Variants in NSMCE2 observed in about 807,000 individuals in gnomAD.
NSMCE2 encodes the protein NSE2 SUMO ligase component of SMC5/6 complex, also known as E3 SUMO-protein ligase NSE2.
NSMCE2 carries 24 observed loss-of-function variants against 23.8 expected under a neutral mutation model. That is an observed-to-expected ratio of 1.01 (90% CI 0.73 to 1.42). The LOEUF (loss-of-function observed/expected upper bound fraction) is 1.42. NSMCE2 is among the 40% of genes most tolerant of loss of function. NSMCE2 has a pLI of 0.00. For missense variants in NSMCE2, 284 were observed against 296.5 expected (o/e 0.96, Z 0.31); for synonymous variants, 92 against 94.1 (o/e 0.98, Z 0.13).
chr8:125,144,662 A>G (rs1820573906), intron 3 of NSMCE2, among the ~76,000 whole-genome samples: 1 of 152,092 alleles, frequency 6.6e-6, no homozygotes, highest in African/African-American at 2.4e-5. Context: ...TTCCTTTCTT[A>G]GACGATCCTT....
At chr8:125,326,119 C>T (rs1484500786) in intron 5 of NSMCE2, among the ~76,000 whole-genome samples, 2 of 150,832 alleles carry the variant, frequency 1.3e-5, no homozygotes, top group African/African-American at 2.4e-5. Context: ...TAGCTGGGTG[C>T]GGTGGCAGGC....
intron 5 of NSMCE2, among the ~76,000 whole-genome samples, chr8:125,200,428 T>G (rs1823816730): frequency 6.6e-6 from 1 of 152,190 alleles, no homozygotes; most frequent in African/African-American, 2.4e-5. Context: ...CTCCTTCACT[T>G]ATGAAGCTTA....
intron 5 of NSMCE2, among the ~76,000 whole-genome samples, chr8:125,264,517 A>G (rs575156819): frequency 6.6e-6 from 1 of 152,134 alleles, no homozygotes; most frequent in African/African-American, 2.4e-5. Context: ...AACAATTCTC[A>G]TTCCTCGGCC....
intron 3 of NSMCE2, among the ~76,000 whole-genome samples, chr8:125,113,067 G>A (rs1279479980): frequency 7.5e-6 from 1 of 134,036 alleles, no homozygotes; most frequent in Non-Finnish European, 1.6e-5. Flanking sequence ...TGGGGGGGGG[G>A]GTGAGTCAAT....
At chr8:125,184,162 T>A (rs567445298) in intron 5 of NSMCE2, among the ~76,000 whole-genome samples, 1 of 152,324 alleles carries the variant, frequency 6.6e-6, no homozygotes, top group Admixed American at 6.5e-5. Context: ...TAAGTAATTT[T>A]ATAATACAGG....
chr8:125,127,887 T>C (rs139254081), intron 3 of NSMCE2, among the ~76,000 whole-genome samples: 211 of 152,328 alleles, frequency 1.4e-3, no homozygotes, highest in African/African-American at 4.8e-3. Flanking sequence ...GAAGGTAATT[T>C]TATACAACAT....
intron 5 of NSMCE2, among the ~76,000 whole-genome samples, chr8:125,260,062 C>A (rs868551874): frequency 6.6e-6 from 1 of 152,290 alleles, no homozygotes; most frequent in African/African-American, 2.4e-5. Context: ...ATTTAAAAAT[C>A]TTTTAATGTT....
At chr8:125,236,058 A>G (rs946943480) in intron 5 of NSMCE2, among the ~76,000 whole-genome samples, 1 of 152,246 alleles carries the variant, frequency 6.6e-6, no homozygotes, top group African/African-American at 2.4e-5. Context: ...TGTATAAGAA[A>G]ACATCCTCAG....
intron 5 of NSMCE2, among the ~76,000 whole-genome samples, chr8:125,245,101 G>A (rs1825905602): frequency 6.6e-6 from 1 of 152,068 alleles, no homozygotes; most frequent in African/African-American, 2.4e-5. Flanking sequence ...GACCAACATG[G>A]TAAAACCCTA....
chr8:125,252,148 C>T (rs758997940), intron 5 of NSMCE2, among the ~76,000 whole-genome samples: 2 of 152,060 alleles, frequency 1.3e-5, no homozygotes, highest in South Asian at 2.1e-4. Flanking sequence ...TCTGGGAACA[C>T]GAACTTTTAA....
chr8:125,235,135 G>A (rs1825489009), intron 5 of NSMCE2, among the ~76,000 whole-genome samples: 2 of 152,142 alleles, frequency 1.3e-5, no homozygotes, highest in South Asian at 2.1e-4. Flanking sequence ...CAGCTACTCG[G>A]GAGGCTGAGG....
intron 5 of NSMCE2, among the ~76,000 whole-genome samples, chr8:125,350,344 G>T (rs1812980791): frequency 6.6e-6 from 1 of 152,150 alleles, no homozygotes; most frequent in Non-Finnish European, 1.5e-5. Flanking sequence ...AGTAGGACAG[G>T]CACAGAGCAG....
intron 5 of NSMCE2, among the ~76,000 whole-genome samples, chr8:125,253,124 C>A (rs1826262981): frequency 1.3e-5 from 2 of 152,172 alleles, no homozygotes; most frequent in African/African-American, 2.4e-5. Flanking sequence ...CCCATCCTAC[C>A]CCAGGGTACT....
At chr8:125,159,490 G>A (rs1821491762) in intron 4 of NSMCE2, among the ~76,000 whole-genome samples, 1 of 152,106 alleles carries the variant, frequency 6.6e-6, no homozygotes, top group African/African-American at 2.4e-5. Flanking sequence ...AGGAGTAATA[G>A]GCTTACTATA....
intron 5 of NSMCE2, among the ~76,000 whole-genome samples, chr8:125,262,395 G>C (rs1826733045): frequency 6.6e-6 from 1 of 152,168 alleles, no homozygotes; most frequent in African/African-American, 2.4e-5. Context: ...CTGCATTCCA[G>C]CCTGGGAGAC....
intron 4 of NSMCE2, among the ~76,000 whole-genome samples, chr8:125,181,770 CTT>C (rs1822827005): frequency 6.6e-6 from 1 of 152,068 alleles, no homozygotes; most frequent in African/African-American, 2.4e-5. Flanking sequence ...ACTGAGCAGA[CTT>C]GGGTGGTGAT....
chr8:125,282,705 T>A (rs188683087), intron 5 of NSMCE2, among the ~76,000 whole-genome samples: 1 of 152,384 alleles, frequency 6.6e-6, no homozygotes, highest in African/African-American at 2.4e-5. Flanking sequence ...TGTCTGTGTA[T>A]AATATACTGT....
At chr8:125,116,529 A>G (rs1007955356) in intron 3 of NSMCE2, among the ~76,000 whole-genome samples, 7 of 152,102 alleles carry the variant, frequency 4.6e-5, no homozygotes, top group African/African-American at 1.4e-4. Flanking sequence ...CCTATTATGG[A>G]TAGTTGCTTT....
chr8:125,259,957 C>T (rs1311021203), intron 5 of NSMCE2, among the ~76,000 whole-genome samples: 1 of 152,192 alleles, frequency 6.6e-6, no homozygotes, highest in Non-Finnish European at 1.5e-5. Context: ...TGTAATCCAA[C>T]CTCTTCTCTT....
Sources: gnomAD v4.1 joint callset for allele counts (sites outside exome capture counted in the v4.1 genomes callset) on GRCh38, gnomAD v4.1.1 for gene constraint, MANE v1.5 for transcripts, NCBI Gene and HGNC (gene_info 2026-07-23, HGNC 2026-07-21) for gene names.